The following SOS1 variants were observed in gnomAD, a reference collection of about 807,000 sequenced individuals.
The protein encoded by SOS1 is SOS Ras/Rac guanine nucleotide exchange factor 1, also known as son of sevenless homolog 1.
Under a neutral mutation model 157.6 loss-of-function variants are expected in SOS1, and 25 were observed. The observed-to-expected ratio is 0.16, with a 90% CI of 0.12 to 0.22. SOS1 has a LOEUF of 0.22. Ranked by LOEUF, SOS1 falls within the 10% of genes least tolerant of loss-of-function variation. The probability of loss-of-function intolerance (pLI) is 1.00; values close to 1 mark genes in which losing one functional copy is unlikely to be tolerated. For synonymous variants in SOS1, 528 were observed against 534.0 expected, an observed-to-expected ratio of 0.99 and a Z score of 0.16; for missense variants, 1,237 against 1,599.1, an observed-to-expected ratio of 0.77 and a Z score of 3.86.
At chr2:39,103,225 A>C (rs910680672) in intron 1 of SOS1, among the ~76,000 whole-genome samples, 4 of 152,208 alleles carry the variant, frequency 2.6e-5, no homozygotes, top group African/African-American at 9.7e-5. Flanking sequence ...TGTTGACATC[A>C]ATACTACCTA....
At chr2:39,004,040 G>A (rs1041152249) in intron 17 of SOS1, among the ~76,000 whole-genome samples, 1 of 152,184 alleles carries the variant, frequency 6.6e-6, no homozygotes, top group Non-Finnish European at 1.5e-5. Flanking sequence ...GCCCCCTGCT[G>A]AGAATCACTG....
Position 39,030,145 on chromosome 2 carries a change from G to A in SOS1, c.1074+5067C>T, listed in dbSNP as rs1478067504. On this transcript the variant is annotated intron_variant, in intron 8 of 22. Transcript: ENST00000402219. Reference sequence around the variant, plus strand: ...AGCACCACTGCAATCCAGCCTGGGTGACAGAACAAGACTCCATCTCAATAA... The same window carrying A: ...AGCACCACTGCAATCCAGCCTGGGTAACAGAACAAGACTCCATCTCAATAA... Among the ~76,000 whole-genome samples the A allele has an allele frequency of 2.0e-5, 3 of 149,458 alleles. No homozygotes were observed. In the Admixed American group the frequency reaches 2.0e-4, roughly 10 times the overall value.
chr2:39,068,166 A>G (rs1671656968), intron 1 of SOS1, among the ~76,000 whole-genome samples: 1 of 152,194 alleles, frequency 6.6e-6, no homozygotes, highest in African/African-American at 2.4e-5. Flanking sequence ...TGGCTTGCAA[A>G]TACAGATTTG....
intron 21 of SOS1, among the ~76,000 whole-genome samples, chr2:38,988,945 C>CT (rs3085353): frequency 0.015 from 2,093 of 141,994 alleles, 82 homozygotes; most frequent in African/African-American, 0.05. Flanking sequence ...ATGCTCTTGC[C>CT]TTTTTTTTTT....
intron 8 of SOS1, among the ~76,000 whole-genome samples, chr2:39,027,712 T>G (rs1374770422): frequency 1.3e-5 from 2 of 152,206 alleles, no homozygotes; most frequent in African/African-American, 2.4e-5. Context: ...TGTGCAATAG[T>G]AACAATTACA....
intron 1 of SOS1, among the ~76,000 whole-genome samples, chr2:39,074,976 G>C (rs1671920587): frequency 6.6e-6 from 1 of 152,142 alleles, no homozygotes; most frequent in Non-Finnish European, 1.5e-5. Context: ...AGACTGGAAG[G>C]CGCAGGTTGT....
At chr2:39,065,283 C>A (rs773047274) in intron 2 of SOS1, among the ~76,000 whole-genome samples, 1 of 152,094 alleles carries the variant, frequency 6.6e-6, no homozygotes, top group African/African-American at 2.4e-5. Context: ...AATGTTTGTG[C>A]CCCTCCCAAA....
intron 1 of SOS1, among the ~76,000 whole-genome samples, chr2:39,074,358 G>GAAA (rs11399990): frequency 2.2e-5 from 3 of 136,010 alleles, no homozygotes; most frequent in Admixed American, 7.4e-5. Context: ...TCAGAAAAAA[G>GAAA]AAAAAAAAAA....
intron 1 of SOS1, among the ~76,000 whole-genome samples, chr2:39,086,462 G>C (rs1050461385): frequency 6.6e-5 from 10 of 152,190 alleles, no homozygotes; most frequent in Non-Finnish European, 1.2e-4. Context: ...AGATCTTTCA[G>C]ACATGCAATT....
rs560367175 is a variant in SOS1, at chr2:39,071,419, T to C, written c.88-3666A>G. On this transcript the variant is annotated intron_variant, in intron 1 of 22. Coordinates refer to ENST00000402219, the MANE Select transcript of SOS1 (RefSeq NM_005633.4). ...TGTCATACTATTTAATAAACATCTA[T>C]CTCATGTCATAAATACAACTACAGT... Among the ~76,000 whole-genome samples, 70 of 152,244 alleles carry C rather than the reference T, an allele frequency of 4.6e-4. No homozygotes were observed. The South Asian group carries it at 0.013, about 28-fold the overall frequency.
intron 10 of SOS1, among the ~76,000 whole-genome samples, chr2:39,018,945 G>A (rs1000085573): frequency 5.3e-5 from 8 of 151,736 alleles, no homozygotes; most frequent in Non-Finnish European, 8.9e-5. Context: ...TATAAAAATA[G>A]AACAGCGCTG....
chr2:39,101,230 T>A (rs573474160), intron 1 of SOS1, among the ~76,000 whole-genome samples: 1 of 152,166 alleles, frequency 6.6e-6, no homozygotes, highest in African/African-American at 2.4e-5. Flanking sequence ...CATGAACGAA[T>A]AGAGCAGGAA....
At chr2:39,003,495 TCAAAGGAAGAGA>T (rs1332999309) in intron 17 of SOS1, among the ~76,000 whole-genome samples, 1 of 152,090 alleles carries the variant, frequency 6.6e-6, no homozygotes, top group Non-Finnish European at 1.5e-5. Flanking sequence ...AGAAATAAGG[TCAAAGGAAGAGA>T]CACTGTATCA....
chr2:39,035,136 T>C lies in SOS1; in HGVS notation c.1074+76A>G, dbSNP rs909938544. 1.8e-4 allele frequency: 163 copies of C among 922,386 alleles called. 1 individual carries two copies. Among genetic ancestry groups the C allele is most frequent in the Non-Finnish European group, 5.1e-5 (29 of 573,178 alleles). 57.1% of individuals were successfully genotyped at this position (922,386 alleles called of 1,614,324 possible). A position where few individuals can be genotyped will look rare whatever the true frequency, so the allele number is the denominator to read the frequency against. On this transcript the variant is annotated intron_variant, in intron 8 of 22. Transcript: ENST00000402219. The stretch of plus-strand genomic sequence containing the variant: ...ACTAATGTGCAGGGTACTCACACAA[T>C]AATTTACAAATGAAGTAGCAAAAAA...
chr2:39,040,071 G>C (rs1670511040), intron 6 of SOS1, among the ~76,000 whole-genome samples: 2 of 151,894 alleles, frequency 1.3e-5, no homozygotes. Flanking sequence ...GAGTGCAGTG[G>C]CGTGACCTCG....
rs540829918 is a variant in SOS1 at position 39,009,740 on chromosome 2, A to G, written c.2510+844T>C. Among the ~76,000 whole-genome samples the G allele has an allele frequency of 2.1e-4, 32 of 152,132 alleles. No homozygotes were observed. The South Asian group carries it at 6.6e-3, about 32-fold the overall frequency. On this transcript the variant is annotated intron_variant, in intron 15 of 22. Coordinates refer to ENST00000402219, the MANE Select transcript of SOS1 (RefSeq NM_005633.4). The stretch of plus-strand genomic sequence containing the variant: ...ATGTAATATGTATTACAGTACCACA[A>G]AAAAAAGGGAGAAAGGGAATAGAGC...
intron 1 of SOS1, among the ~76,000 whole-genome samples, chr2:39,069,016 G>A (rs1671687697): frequency 6.6e-6 from 1 of 151,764 alleles, no homozygotes; most frequent in Admixed American, 6.6e-5. Context: ...TAGCTGAGAG[G>A]GTGTGACAGC....
At chr2:38,988,070 C>T (rs943568438) in intron 21 of SOS1, among the ~76,000 whole-genome samples, 1 of 152,104 alleles carries the variant, frequency 6.6e-6, no homozygotes, top group Non-Finnish European at 1.5e-5. Context: ...CTCTCCCTAG[C>T]ATTTCTCTCA....
At position 38,995,060 on chromosome 2, in the gene SOS1, T is replaced by C. The variant is rs1668846623; in HGVS notation, c.3346+63A>G. ...ATACAAAAAAATAACAGAGATTCTT[T>C]TTTACCTCTAGCATGTATAGTACTA... On this transcript the variant is annotated intron_variant, in intron 20 of 22. Coordinates refer to ENST00000402219, the MANE Select transcript of SOS1 (RefSeq NM_005633.4). The C allele has an allele frequency of 2.1e-6, 3 of 1,400,830 alleles. No individual in the cohort carries two copies. In the South Asian group the frequency reaches 3.5e-5, roughly 16 times the overall value. The allele number at this position is 1,400,830 out of a possible 1,614,324, so 86.8% of individuals were successfully genotyped here. A position where few individuals can be genotyped will look rare whatever the true frequency, so the allele number is the denominator to read the frequency against.
Sources: gnomAD v4.1 joint callset for allele counts (sites outside exome capture counted in the v4.1 genomes callset) on GRCh38, gnomAD v4.1.1 for gene constraint, MANE v1.5 for transcripts, NCBI Gene and HGNC (gene_info 2026-07-23, HGNC 2026-07-21) for gene names.